The following FHOD3 variants were observed in gnomAD, a reference collection of about 807,000 sequenced individuals.
FHOD3 encodes FH1/FH2 domain-containing protein 3.
In FHOD3, 90 loss-of-function variants were observed where a neutral mutation model predicts 173.0. That is an observed-to-expected ratio of 0.52 (90% CI 0.44 to 0.62). The LOEUF is 0.62. Ranked by LOEUF, FHOD3 falls within the 20% of genes least tolerant of loss-of-function variation. The probability of loss-of-function intolerance (pLI) is 0.00; values close to 1 mark genes in which losing one functional copy is unlikely to be tolerated. For missense variants in FHOD3, 1,945 were observed against 2,034.7 expected, an observed-to-expected ratio of 0.96 and a Z score of 0.85; for synonymous variants, 828 against 823.0, an observed-to-expected ratio of 1.01 and a Z score of -0.10.
chr18:36,759,018 A>G, intron 25 of FHOD3, 100 bp from the exon 26 acceptor site: 1 of 1,332,294 alleles, frequency 7.5e-7, no homozygotes, highest in African/African-American at 1.5e-5. Context: ...ATTTACTTGG[A>G]ATTTTATGTG....
intron 5 of FHOD3, among the ~76,000 whole-genome samples, chr18:36,529,135 C>T (rs2056665699): frequency 6.6e-6 from 1 of 152,238 alleles, no homozygotes; most frequent in Non-Finnish European, 1.5e-5. Flanking sequence ...GATATTGCCT[C>T]TGCAGATGTA....
At chr18:36,351,270 G>T (rs2046111521) in intron 1 of FHOD3, among the ~76,000 whole-genome samples, 1 of 152,158 alleles carries the variant, frequency 6.6e-6, no homozygotes, top group African/African-American at 2.4e-5. Flanking sequence ...GGACTCACTA[G>T]CACAAATGGG....
chr18:36,731,228 T>A (rs2041344332), intron 20 of FHOD3, among the ~76,000 whole-genome samples: 1 of 152,186 alleles, frequency 6.6e-6, no homozygotes, highest in Non-Finnish European at 1.5e-5. Context: ...AGAGACATAT[T>A]TCATTTGATA....
rs571493020 is a variant in FHOD3, at chr18:36,722,497, G to C, written c.3417+3782G>C. Among the ~76,000 whole-genome samples the C allele has an allele frequency of 2.7e-4, 41 of 152,320 alleles. 1 individual carries two copies. The highest frequency in any genetic ancestry group is 2.1e-3 in the South Asian group (10 of 4,828). On this transcript the variant is annotated intron_variant, in intron 19 of 28. Coordinates refer to ENST00000590592, the MANE Select transcript of FHOD3 (RefSeq NM_001281740.3). The stretch of plus-strand genomic sequence containing the variant: ...TTGTCATAGGGAGGGAGCCCAGAAT[G>C]TATCTGGAGAAGTTTATTTATCTTG...
chr18:36,410,135 AC>A (rs2049281128), intron 3 of FHOD3, among the ~76,000 whole-genome samples: 1 of 152,150 alleles, frequency 6.6e-6, no homozygotes, highest in African/African-American at 2.4e-5. Context: ...CTCAAAAAAA[AC>A]ACCACACCTA....
At chr18:36,722,604 T>A (rs1232101644) in intron 19 of FHOD3, among the ~76,000 whole-genome samples, 1 of 151,910 alleles carries the variant, frequency 6.6e-6, no homozygotes, top group East Asian at 1.9e-4. Context: ...TGGGTTATTT[T>A]TCTTATTTTT....
chr18:36,746,440 G>T (rs1278228830), intron 23 of FHOD3, among the ~76,000 whole-genome samples: 1 of 152,160 alleles, frequency 6.6e-6, no homozygotes, highest in Non-Finnish European at 1.5e-5. Context: ...TGAGTGAGTG[G>T]GCAGGTGAAT....
intron 3 of FHOD3, among the ~76,000 whole-genome samples, chr18:36,457,282 A>G (rs190935931): frequency 4.1e-4 from 62 of 152,234 alleles, no homozygotes; most frequent in Non-Finnish European, 5.9e-4. Flanking sequence ...GTTTTTTAAT[A>G]AATGTAATAT....
chr18:36,462,162 T>C (rs186279689), intron 3 of FHOD3, among the ~76,000 whole-genome samples: 1 of 152,114 alleles, frequency 6.6e-6, no homozygotes, highest in African/African-American at 2.4e-5. Flanking sequence ...ATGGTGAGGG[T>C]GAGTAGACTT....
At chr18:36,413,743 T>C (rs1468912844) in intron 3 of FHOD3, among the ~76,000 whole-genome samples, 2 of 152,218 alleles carry the variant, frequency 1.3e-5, no homozygotes, top group Non-Finnish European at 2.9e-5. Flanking sequence ...ATTTTCTTAG[T>C]GTAGTAAAAT....
intron 3 of FHOD3, among the ~76,000 whole-genome samples, chr18:36,386,006 C>T (rs533755285): frequency 1.4e-4 from 21 of 152,274 alleles, no homozygotes; most frequent in Admixed American, 1.0e-3. Context: ...AAAGTTGAAA[C>T]GTTATGCTCT....
At chr18:36,586,103 A>T (rs1415962329) in intron 6 of FHOD3, among the ~76,000 whole-genome samples, 1 of 152,150 alleles carries the variant, frequency 6.6e-6, no homozygotes, top group South Asian at 2.1e-4. Flanking sequence ...TCATGTTTCC[A>T]GGGCTGGTTA....
intron 5 of FHOD3, among the ~76,000 whole-genome samples, chr18:36,527,434 G>T (rs920410215): frequency 4.6e-5 from 7 of 152,202 alleles, no homozygotes; most frequent in African/African-American, 1.4e-4. Context: ...AGCTGAATGG[G>T]CTCCTCGAAT....
chr18:36,594,775 C>T lies in FHOD3; in HGVS notation c.607-12C>T. On this transcript the variant is annotated splice_polypyrimidine_tract_variant and intron_variant, in intron 6 of 28. Coordinates refer to ENST00000590592, the MANE Select transcript of FHOD3 (RefSeq NM_001281740.3). ...GTTGGCAGTGATGTGATGGTTTTAT[C>T]TCTTCTGCCAGTTCCGCCTGGTGGT... 1 of 1,603,970 alleles carries T rather than the reference C, an allele frequency of 6.2e-7. No homozygotes were observed. The highest frequency in any genetic ancestry group is 8.5e-7 in the Non-Finnish European group (1 of 1,172,114).
At chr18:36,413,607 C>G (rs772458583) in intron 3 of FHOD3, among the ~76,000 whole-genome samples, 4 of 152,164 alleles carry the variant, frequency 2.6e-5, no homozygotes, top group Admixed American at 6.5e-5. Flanking sequence ...AGCTGCACCC[C>G]TCATGTTAGG....
intron 16 of FHOD3, among the ~76,000 whole-genome samples, chr18:36,687,544 C>T (rs2038705612): frequency 6.6e-6 from 1 of 152,204 alleles, no homozygotes; most frequent in African/African-American, 2.4e-5. Flanking sequence ...TTAGTATCCA[C>T]ACTGTGCCAG....
chr18:36,662,676 G>C (rs891397642), intron 14 of FHOD3, among the ~76,000 whole-genome samples: 3 of 152,152 alleles, frequency 2.0e-5, no homozygotes, highest in African/African-American at 7.2e-5. Context: ...GATAATAAGG[G>C]ATGGATAAAG....
intron 3 of FHOD3, among the ~76,000 whole-genome samples, chr18:36,413,628 T>G (rs1465878948): frequency 6.6e-6 from 1 of 152,210 alleles, no homozygotes; most frequent in East Asian, 1.9e-4. Context: ...CAGCCTGGAT[T>G]TATGTGCTTC....
chr18:36,721,158 T>C, intron 19 of FHOD3, among the ~76,000 whole-genome samples: 1 of 152,336 alleles, frequency 6.6e-6, no homozygotes, highest in East Asian at 1.9e-4. Context: ...AATGTTTGCA[T>C]AGTTTTTATC....
Sources: allele counts gnomAD v4.1 joint callset (sites outside exome capture counted in the v4.1 genomes callset), GRCh38; gene constraint gnomAD v4.1.1; transcripts MANE v1.5; gene names NCBI Gene and HGNC (gene_info 2026-07-23, HGNC 2026-07-21).